RNPC3: variants seen among roughly 807,000 people sequenced by gnomAD.
RNPC3 encodes RNA-binding region-containing protein 3.
A neutral mutation model predicts 67.5 loss-of-function variants in RNPC3; 48 were observed. The ratio of observed to expected loss-of-function variants is 0.71; its 90% CI spans 0.56 to 0.90. The LOEUF (loss-of-function observed/expected upper bound fraction) is 0.90. Among genes scored for constraint, RNPC3 ranks in the 40% least tolerant of loss-of-function variants. The pLI is 0.00. For missense variants in RNPC3, 637 were observed against 626.1 expected, an observed-to-expected ratio of 1.02 and a Z score of -0.19; for synonymous variants, 239 against 210.3, an observed-to-expected ratio of 1.14 and a Z score of -1.18.
intron 7 of RNPC3, among the ~76,000 whole-genome samples, chr1:103,541,069 G>C (rs1651114226): frequency 6.6e-6 from 1 of 152,034 alleles, no homozygotes; most frequent in Non-Finnish European, 1.5e-5. Context: ...TTCGGCAACT[G>C]CTTATGATGA....
Position 103,541,349 on chromosome 1 carries a change from G to T in RNPC3, c.768-1G>T. On this transcript the variant is annotated splice_acceptor_variant, in intron 7 of 14. Coordinates refer to ENST00000423855, the MANE Select transcript of RNPC3 (RefSeq NM_017619.4). LOFTEE classifies it high-confidence loss of function. ...GTTTATCATCCCTCTCCTCATTGTA[G>T]AATGAACAAATTAATGGAACTAGCA... 1 of 1,506,944 alleles carries T rather than the reference G, an allele frequency of 6.6e-7. No individual in the cohort carries two copies. 93.3% of individuals were successfully genotyped at this position (1,506,944 alleles called of 1,614,324 possible). A position where few individuals can be genotyped will look rare whatever the true frequency, so the allele number is the denominator to read the frequency against.
At chr1:103,536,069 T>C (rs933138711) in intron 5 of RNPC3, 57 bp from the exon 6 acceptor site, 3 of 1,292,888 alleles carry the variant, frequency 2.3e-6, no homozygotes, top group Non-Finnish European at 3.2e-6. Flanking sequence ...GTACATAAAA[T>C]ACAAGATGTG....
intron 9 of RNPC3, among the ~76,000 whole-genome samples, chr1:103,544,163 C>T (rs1651189640): frequency 6.6e-6 from 1 of 151,560 alleles, no homozygotes; most frequent in Admixed American, 6.6e-5. Flanking sequence ...TATATACATA[C>T]ATGTGTGTGT....
chr1:103,540,527 A>G (rs1651101154), intron 7 of RNPC3, among the ~76,000 whole-genome samples: 1 of 152,192 alleles, frequency 6.6e-6, no homozygotes, highest in Non-Finnish European at 1.5e-5. Context: ...ATTTTTTCAT[A>G]AAGTTTTTGG....
chr1:103,535,285 G>A, intron 4 of RNPC3, 45 bp from the exon 5 acceptor site: 9 of 1,276,496 alleles, frequency 7.1e-6, no homozygotes, highest in Non-Finnish European at 9.8e-6. Flanking sequence ...TTACTGATAT[G>A]AAATTATGAA....
intron 8 of RNPC3, among the ~76,000 whole-genome samples, chr1:103,541,930 A>G (rs1651132542): frequency 6.6e-6 from 1 of 151,934 alleles, no homozygotes; most frequent in African/African-American, 2.4e-5. Flanking sequence ...AACATTTTTT[A>G]CTTAAAAAGT....
Position 103,545,034 on chromosome 1 carries a change from ACT to A in RNPC3, c.1142_1143del (p.Ser381Ter). On this transcript the variant is annotated frameshift_variant, in exon 10 of 15. Coordinates refer to ENST00000423855, the MANE Select transcript of RNPC3 (RefSeq NM_017619.4). LOFTEE classifies it high-confidence loss of function. The stretch of plus-strand genomic sequence containing the variant: ...GACATCACAGAGGAGATTAAAGAAG[ACT>A]CTGATGAAATGCCTTCAGAATGTAT... 2 of 1,534,630 alleles carry A rather than the reference ACT, an allele frequency of 1.3e-6. No individual in the cohort carries two copies. Among genetic ancestry groups the A allele is most frequent in the South Asian group, 1.2e-5 (1 of 83,794 alleles).
rs1036749316 is a variant in RNPC3, at chr1:103,545,171, A to G, written c.1207+69A>G. 2.5e-5 allele frequency: 32 copies of G among 1,259,062 alleles called. No homozygotes were observed. The African/African-American group carries it at 4.0e-4, about 16-fold the overall frequency. The allele number at this position is 1,259,062 out of a possible 1,614,324, so 78.0% of individuals were successfully genotyped here. ...TCTTTGACTCTATAGAAACAAAACA[A>G]ATCTGTCATGCCATTTACCTTAATT... is the stretch of plus-strand genomic sequence containing the variant. On this transcript the variant is annotated intron_variant, in intron 10 of 14. Transcript: ENST00000423855.
In RNPC3 at chr1:103,551,717, T is replaced by A. The variant is rs1570628577; in HGVS notation, c.1495-4T>A. On this transcript the variant is annotated splice_polypyrimidine_tract_variant and splice_region_variant and intron_variant, in intron 13 of 14. Coordinates refer to ENST00000423855, the MANE Select transcript of RNPC3 (RefSeq NM_017619.4). ...TGAAGGAAACCTTAATTTTAAATTA[T>A]TAGCAGTTTGCTCGATCTGCTAGAC... 1.3e-6 allele frequency: 2 copies of A among 1,510,380 alleles called. No individual in the cohort carries two copies. The highest frequency in any genetic ancestry group is 2.5e-5 in the East Asian group (1 of 40,498). The allele number at this position is 1,510,380 out of a possible 1,614,324, so 93.6% of individuals were successfully genotyped here.
At chr1:103,534,982 T>C (rs1570618247) in intron 4 of RNPC3, 125 bp downstream of exon 4, 1 of 575,334 alleles carries the variant, frequency 1.7e-6, no homozygotes, top group East Asian at 3.0e-5. Flanking sequence ...TATTGTATAT[T>C]GTGTTATATA....
intron 13 of RNPC3, 83 bp downstream of exon 13, chr1:103,551,156 A>G: frequency 8.3e-7 from 1 of 1,206,620 alleles, no homozygotes. Context: ...TACCCTTTAG[A>G]AATTTCCACA....
chr1:103,551,882 T>A, intron 14 of RNPC3, 90 bp downstream of exon 14: 2 of 647,020 alleles, frequency 3.1e-6, no homozygotes, highest in Non-Finnish European at 5.0e-6. Context: ...AATTCAGGTA[T>A]CTCTTTTTTT....
At chr1:103,540,906 G>T (rs1281589215) in intron 7 of RNPC3, among the ~76,000 whole-genome samples, 1 of 152,122 alleles carries the variant, frequency 6.6e-6, no homozygotes, top group African/African-American at 2.4e-5. Flanking sequence ...ATTTGCAACA[G>T]TTATTCACAA....
At chr1:103,527,668 G>C in intron 1 of RNPC3, 27 bp from the exon 2 acceptor site, 2 of 1,518,456 alleles carry the variant, frequency 1.3e-6, no homozygotes, top group Non-Finnish European at 1.8e-6. Flanking sequence ...TATATTGGAA[G>C]TAATTTGTAC....
intron 1 of RNPC3, 50 bp from the exon 2 acceptor site, chr1:103,527,645 G>C: frequency 7.2e-7 from 1 of 1,394,802 alleles, no homozygotes; most frequent in Admixed American, 2.0e-5. Flanking sequence ...ATTTCTTTGT[G>C]AGAAACTGAA....
In RNPC3 at chr1:103,548,984, A is replaced by C. The variant is rs538277739; in HGVS notation, c.1361+1949A>C. On this transcript the variant is annotated intron_variant, in intron 12 of 14. Coordinates refer to ENST00000423855, the MANE Select transcript of RNPC3 (RefSeq NM_017619.4). Reference sequence around the variant, plus strand: ...AACTGCCATTATTTTAAAACCATCAAACCTTGTGAGACTCATGTACTATCA... The same window carrying C: ...AACTGCCATTATTTTAAAACCATCACACCTTGTGAGACTCATGTACTATCA... 1.0e-3 allele frequency among the ~76,000 whole-genome samples: 152 copies of C among 152,158 alleles called. 1 individual carries two copies. Among genetic ancestry groups the C allele is most frequent in the African/African-American group, 3.5e-3 (145 of 41,512 alleles).
chr1:103,530,441 G>T (rs886439905), intron 2 of RNPC3, among the ~76,000 whole-genome samples: 1 of 152,114 alleles, frequency 6.6e-6, no homozygotes, highest in African/African-American at 2.4e-5. Context: ...GGAACAGCTG[G>T]AACAGGGGCT....
In RNPC3 at chr1:103,545,036, T is replaced by C; in HGVS notation, c.1141T>C (p.Ser381Pro). Reference protein sequence around the residue: ...LDITEEIKEDSDEMPSECISR... With the variant: ...LDITEEIKEDPDEMPSECISR... ...CATCACAGAGGAGATTAAAGAAGAC[T>C]CTGATGAAATGCCTTCAGAATGTAT... The change falls in exon 10 of 15, where the codon TCT becomes CCT. Residue 381 changes from serine to proline, a missense_variant. Transcript: ENST00000423855. 1.3e-6 allele frequency: 2 copies of C among 1,534,666 alleles called. No individual in the cohort carries two copies. Among genetic ancestry groups the C allele is most frequent in the Non-Finnish European group, 1.7e-6 (2 of 1,145,302 alleles).
intron 9 of RNPC3, among the ~76,000 whole-genome samples, chr1:103,544,113 T>A (rs1424375613): frequency 6.6e-6 from 1 of 151,802 alleles, no homozygotes; most frequent in East Asian, 1.9e-4. Flanking sequence ...TCCTGTGTCC[T>A]ACTACCTAAA....
Sources: gnomAD v4.1 joint callset for allele counts (sites outside exome capture counted in the v4.1 genomes callset) on GRCh38, gnomAD v4.1.1 for gene constraint, MANE v1.5 for transcripts, NCBI Gene and HGNC (gene_info 2026-07-23, HGNC 2026-07-21) for gene names.